GALNTL6: variants seen among roughly 807,000 people sequenced by gnomAD.
The protein encoded by GALNTL6 is polypeptide N-acetylgalactosaminyltransferase like 6, also known as polypeptide N-acetylgalactosaminyltransferase-like 6.
A neutral mutation model predicts 73.7 loss-of-function variants in GALNTL6; 46 were observed. The observed-to-expected ratio is 0.62, with a 90% CI of 0.49 to 0.80. The LOEUF is 0.80. Among genes scored for constraint, GALNTL6 ranks in the 30% least tolerant of loss-of-function variants. The pLI is 0.00. For synonymous variants in GALNTL6, 259 were observed against 263.7 expected (o/e 0.98, Z 0.17); for missense variants, 604 against 755.0 (o/e 0.80, Z 2.34).
intron 2 of GALNTL6, among the ~76,000 whole-genome samples, chr4:171,902,177 T>C (rs1737119452): frequency 6.6e-6 from 1 of 152,172 alleles, no homozygotes; most frequent in South Asian, 2.1e-4. Context: ...AGAATCTAAT[T>C]GAAGCCTTAG....
chr4:172,239,157 A>G (rs1001868738), intron 3 of GALNTL6, among the ~76,000 whole-genome samples: 2 of 152,138 alleles, frequency 1.3e-5, no homozygotes, highest in African/African-American at 4.8e-5. Flanking sequence ...ACTTTTTGGA[A>G]TAGTTTTAGT....
At chr4:172,311,480 A>G in intron 3 of GALNTL6, 134 bp from the exon 4 acceptor site, 1 of 546,532 alleles carries the variant, frequency 1.8e-6, no homozygotes, top group South Asian at 7.2e-5. Flanking sequence ...AAATAATATA[A>G]TAAAATCTTA....
At chr4:171,865,523 T>C (rs974747578) in intron 2 of GALNTL6, among the ~76,000 whole-genome samples, 1 of 152,222 alleles carries the variant, frequency 6.6e-6, no homozygotes, top group African/African-American at 2.4e-5. Context: ...GGTTGCTAAA[T>C]GATTTTTTTA....
intron 5 of GALNTL6, among the ~76,000 whole-genome samples, chr4:172,602,810 C>T (rs573904192): frequency 2.0e-5 from 3 of 152,154 alleles, no homozygotes; most frequent in African/African-American, 4.8e-5. Flanking sequence ...TTCATAATAG[C>T]CTCAAACTGG....
chr4:172,293,525 G>T (rs985303503), intron 3 of GALNTL6, among the ~76,000 whole-genome samples: 5 of 152,020 alleles, frequency 3.3e-5, no homozygotes, highest in African/African-American at 1.2e-4. Context: ...CAATAATTAT[G>T]TCATTAAAGA....
chr4:171,995,129 A>G (rs1740449533), intron 2 of GALNTL6, among the ~76,000 whole-genome samples: 1 of 152,004 alleles, frequency 6.6e-6, no homozygotes. Context: ...ATTATTATAT[A>G]TGCTGATGGG....
At chr4:172,996,639 G>A (rs968043424) in intron 10 of GALNTL6, among the ~76,000 whole-genome samples, 1 of 152,148 alleles carries the variant, frequency 6.6e-6, no homozygotes, top group Non-Finnish European at 1.5e-5. Context: ...CATATGCTCT[G>A]TTTACAAAGA....
chr4:172,054,280 A>G (rs925219132), intron 2 of GALNTL6, among the ~76,000 whole-genome samples: 3 of 152,194 alleles, frequency 2.0e-5, no homozygotes, highest in Non-Finnish European at 4.4e-5. Context: ...AGGGTTTTCA[A>G]TCAAGGGTCA....
At chr4:172,707,186 G>A (rs1282713547) in intron 5 of GALNTL6, among the ~76,000 whole-genome samples, 2 of 152,108 alleles carry the variant, frequency 1.3e-5, no homozygotes, top group Admixed American at 6.6e-5. Flanking sequence ...TGTGGCCCCT[G>A]GGATTGTCAC....
intron 10 of GALNTL6, among the ~76,000 whole-genome samples, chr4:172,988,029 A>G (rs1751371523): frequency 6.6e-6 from 1 of 152,206 alleles, no homozygotes; most frequent in Non-Finnish European, 1.5e-5. Flanking sequence ...GCATTGCTAT[A>G]AAGATACCTG....
rs144507607 is a variant in GALNTL6, at chr4:172,701,197, T to C, written c.554-108164T>C. 1.1e-3 allele frequency among the ~76,000 whole-genome samples: 168 copies of C among 152,236 alleles called. 1 individual carries two copies. The highest frequency in any genetic ancestry group is 3.9e-3 in the African/African-American group (162 of 41,560). On this transcript the variant is annotated intron_variant, in intron 5 of 12. Transcript: ENST00000506823. ...TTGATTTTTCAGTAGTGTGGAGTTT[T>C]CCTTGGTGGGGTTTTACGTCATTAG...
intron 10 of GALNTL6, among the ~76,000 whole-genome samples, chr4:172,982,721 C>T (rs1054300981): frequency 6.6e-6 from 1 of 151,706 alleles, no homozygotes; most frequent in Non-Finnish European, 1.5e-5. Flanking sequence ...GTGAATGTGA[C>T]TTTTTCTGGA....
chr4:172,687,752 G>A lies in GALNTL6; in HGVS notation c.554-121609G>A, dbSNP rs75497141. Among the ~76,000 whole-genome samples, 677 of 152,204 alleles carry A rather than the reference G, an allele frequency of 4.4e-3. 5 individuals are homozygous for A. The highest frequency in any genetic ancestry group is 0.016 in the African/African-American group (647 of 41,518). On this transcript the variant is annotated intron_variant, in intron 5 of 12. Coordinates refer to ENST00000506823, the MANE Select transcript of GALNTL6 (RefSeq NM_001034845.3). The stretch of plus-strand genomic sequence containing the variant: ...TTGGGGAAAAAGACTTTAGCGCTTG[G>A]CAGATTGCAGAGAATGTCAGTTACC...
chr4:171,892,827 G>A (rs1471338361), intron 2 of GALNTL6, among the ~76,000 whole-genome samples: 1 of 152,148 alleles, frequency 6.6e-6, no homozygotes, highest in Non-Finnish European at 1.5e-5. Flanking sequence ...CTCTCAAAGT[G>A]CTGAGATTTC....
intron 2 of GALNTL6, among the ~76,000 whole-genome samples, chr4:172,224,447 T>C (rs1736785483): frequency 6.6e-6 from 1 of 152,236 alleles, no homozygotes; most frequent in Non-Finnish European, 1.5e-5. Flanking sequence ...AGTTCACTGA[T>C]TGATTTATGA....
chr4:171,997,470 T>C (rs1042690989), intron 2 of GALNTL6, among the ~76,000 whole-genome samples: 1 of 152,036 alleles, frequency 6.6e-6, no homozygotes, highest in South Asian at 2.1e-4. Context: ...GCATCATAGC[T>C]TACCCTTAAA....
chr4:172,709,036 T>C (rs1297538348), intron 5 of GALNTL6, among the ~76,000 whole-genome samples: 1 of 152,216 alleles, frequency 6.6e-6, no homozygotes, highest in Non-Finnish European at 1.5e-5. Flanking sequence ...TCTATTGGCT[T>C]CTATTATTTA....
Position 172,235,407 on chromosome 4 carries a change from A to G in GALNTL6, c.247+5643A>G, listed in dbSNP as rs999535350. Among the ~76,000 whole-genome samples, 65 of 152,152 alleles carry G rather than the reference A, an allele frequency of 4.3e-4. 1 individual carries two copies. The highest frequency in any genetic ancestry group is 1.5e-4 in the Non-Finnish European group (10 of 67,994). ...ATTTTTAGTGGAACAGGGTTTCACT[A>G]TGTTGGCCAGAATGGTCTAGACCTT... On this transcript the variant is annotated intron_variant, in intron 3 of 12. Coordinates refer to ENST00000506823, the MANE Select transcript of GALNTL6 (RefSeq NM_001034845.3).
At chr4:171,816,858 G>A (rs1734538650) in intron 2 of GALNTL6, among the ~76,000 whole-genome samples, 1 of 151,866 alleles carries the variant, frequency 6.6e-6, no homozygotes, top group Admixed American at 6.6e-5. Context: ...GTAAGTAAGA[G>A]TTAAGTCATT....
Sources: gnomAD v4.1 joint callset for allele counts (sites outside exome capture counted in the v4.1 genomes callset) on GRCh38, gnomAD v4.1.1 for gene constraint, MANE v1.5 for transcripts, NCBI Gene and HGNC (gene_info 2026-07-23, HGNC 2026-07-21) for gene names.